The following MAMLD1 variants were observed in gnomAD, a reference collection of about 807,000 sequenced individuals.
MAMLD1 encodes mastermind like domain containing 1, also known as mastermind-like domain-containing protein 1.
MAMLD1 carries 14 observed loss-of-function variants against 45.0 expected under a neutral mutation model. That is an observed-to-expected ratio of 0.31 (90% CI 0.21 to 0.49). MAMLD1 has a LOEUF of 0.49. Among genes scored for constraint, MAMLD1 ranks in the 20% least tolerant of loss-of-function variants. The pLI, the probability that MAMLD1 is intolerant of heterozygous loss-of-function variation, is 0.99. For missense variants in MAMLD1, 543 were observed against 603.6 expected, an observed-to-expected ratio of 0.90 and a Z score of 1.05; for synonymous variants, 254 against 247.8, an observed-to-expected ratio of 1.02 and a Z score of -0.24.
intron 1 of MAMLD1, among the ~76,000 whole-genome samples, chrX:150,408,532 T>C (rs1249702750): frequency 8.9e-6 from 1 of 112,257 alleles, no homozygotes; most frequent in Admixed American, 9.5e-5. Context: ...AACATTTCTA[T>C]ATATTAGTAA....
intron 5 of MAMLD1, among the ~76,000 whole-genome samples, chrX:150,489,477 T>C (rs2037104104): frequency 9.1e-6 from 1 of 109,762 alleles, no homozygotes; most frequent in Non-Finnish European, 1.9e-5. Flanking sequence ...AGGTCTTGCC[T>C]CCTAATGACA....
intron 1 of MAMLD1, among the ~76,000 whole-genome samples, chrX:150,403,974 AAG>A (rs1346319489): frequency 5.1e-5 from 5 of 97,609 alleles, no homozygotes; most frequent in African/African-American, 2.0e-4. Context: ...GAAAGAAAGA[AAG>A]AAAGAAAGAA....
At chrX:150,434,845 A>G (rs2035069269) in intron 1 of MAMLD1, among the ~76,000 whole-genome samples, 1 of 111,914 alleles carries the variant, frequency 8.9e-6, no homozygotes, top group Non-Finnish European at 1.9e-5. Context: ...GGTGGATTTT[A>G]GAGTATGTGC....
intron 1 of MAMLD1, among the ~76,000 whole-genome samples, chrX:150,370,260 G>A (rs1488484795): frequency 1.8e-5 from 2 of 111,016 alleles, no homozygotes; most frequent in Admixed American, 9.5e-5. Context: ...TCAACTGTAT[G>A]GCAGGAAAAA....
chrX:150,370,202 T>A (rs1251105975), intron 1 of MAMLD1, among the ~76,000 whole-genome samples: 1 of 109,395 alleles, frequency 9.1e-6, no homozygotes, highest in Non-Finnish European at 1.9e-5. Context: ...CCAATTCCCA[T>A]CATACACCTC....
At chrX:150,444,252 G>A (rs1375737290) in intron 1 of MAMLD1, among the ~76,000 whole-genome samples, 2 of 111,975 alleles carry the variant, frequency 1.8e-5, no homozygotes, top group Non-Finnish European at 3.8e-5. Context: ...GGAATATAAT[G>A]GGACTGCATT....
intron 2 of MAMLD1, 146 bp from the exon 3 acceptor site, chrX:150,462,626 T>A: frequency 1.9e-6 from 1 of 518,498 alleles, no homozygotes; most frequent in Non-Finnish European, 3.5e-6. Flanking sequence ...AGTAATCCCC[T>A]ATTTAAATGT....
At chrX:150,468,978 A>AGGGTGTGT (rs1557406113) in intron 3 of MAMLD1, among the ~76,000 whole-genome samples, 1 of 100,693 alleles carries the variant, frequency 9.9e-6, no homozygotes, top group Non-Finnish European at 2.0e-5. Context: ...AATGTGTGAG[A>AGGGTGTGT]GTGTGTGTGT....
chrX:150,510,852 T>C (rs781920366), intron 7 of MAMLD1, among the ~76,000 whole-genome samples: 1 of 111,928 alleles, frequency 8.9e-6, no homozygotes, highest in South Asian at 3.8e-4. Context: ...ATGGAAGACA[T>C]CTTTGGGCCT....
At chrX:150,459,284 G>T (rs1288827199) in intron 2 of MAMLD1, among the ~76,000 whole-genome samples, 1 of 112,012 alleles carries the variant, frequency 8.9e-6, no homozygotes, top group Non-Finnish European at 1.9e-5. Flanking sequence ...ACCTCATAAG[G>T]TTACACTGAA....
intron 1 of MAMLD1, among the ~76,000 whole-genome samples, chrX:150,416,194 T>C (rs1002417471): frequency 5.4e-5 from 6 of 111,783 alleles, no homozygotes; most frequent in African/African-American, 1.6e-4. Flanking sequence ...CACCCTGATA[T>C]GAGCTCTTGG....
intron 1 of MAMLD1, among the ~76,000 whole-genome samples, chrX:150,418,035 C>G (rs2034326748): frequency 9.0e-6 from 1 of 110,525 alleles, no homozygotes. Flanking sequence ...CCTTGTACCT[C>G]TGGTAGAATT....
At chrX:150,511,937 C>T (rs1430789966) in intron 7 of MAMLD1, 67 bp from the exon 8 acceptor site, 5 of 987,512 alleles carry the variant, frequency 5.1e-6, no homozygotes, top group Admixed American at 4.4e-5. Context: ...AGCTACCCTC[C>T]GGTGGCCACA....
chrX:150,442,603 G>A (rs1043256504), intron 1 of MAMLD1, among the ~76,000 whole-genome samples: 2 of 111,159 alleles, frequency 1.8e-5, no homozygotes, highest in Non-Finnish European at 3.8e-5. Context: ...TAATGTAATT[G>A]TGTTAAATAT....
At chrX:150,440,998 T>G (rs1041798392) in intron 1 of MAMLD1, among the ~76,000 whole-genome samples, 2 of 104,870 alleles carry the variant, frequency 1.9e-5, no homozygotes, top group Non-Finnish European at 3.9e-5. Flanking sequence ...ATATAATATT[T>G]AATATAAATA....
At chrX:150,400,966 G>T (rs1336232088) in intron 1 of MAMLD1, among the ~76,000 whole-genome samples, 3 of 109,913 alleles carry the variant, frequency 2.7e-5, no homozygotes, top group Non-Finnish European at 5.7e-5. Context: ...GATGATGCTG[G>T]CCTCATAAAA....
intron 2 of MAMLD1, among the ~76,000 whole-genome samples, chrX:150,455,292 T>G (rs1446734321): frequency 8.9e-6 from 1 of 111,929 alleles, no homozygotes; most frequent in Non-Finnish European, 1.9e-5. Context: ...TACTGAGGAT[T>G]TCCTTTCAGT....
intron 1 of MAMLD1, among the ~76,000 whole-genome samples, chrX:150,383,263 T>G (rs2032761667): frequency 9.1e-6 from 1 of 110,471 alleles, no homozygotes; most frequent in Non-Finnish European, 1.9e-5. Flanking sequence ...AAATATAGAG[T>G]TTTTTTAAAG....
chrX:150,403,310 G>A (rs1248657213), intron 1 of MAMLD1, among the ~76,000 whole-genome samples: 6 of 111,564 alleles, frequency 5.4e-5, no homozygotes, highest in African/African-American at 2.0e-4. Flanking sequence ...TGGGGTGTGG[G>A]GGATGATGAG....
Sources: gnomAD v4.1 joint callset for allele counts (sites outside exome capture counted in the v4.1 genomes callset) on GRCh38, gnomAD v4.1.1 for gene constraint, MANE v1.5 for transcripts, NCBI Gene and HGNC (gene_info 2026-07-23, HGNC 2026-07-21) for gene names.